Variants in RBFOX1 observed in about 807,000 individuals in gnomAD.
The protein encoded by RBFOX1 is RNA binding fox-1 homolog 1.
Under a neutral mutation model 57.7 loss-of-function variants are expected in RBFOX1, and 8 were observed. The observed-to-expected ratio is 0.14, with a 90% CI of 0.08 to 0.25. The LOEUF is 0.25. RBFOX1 is among the 10% of genes least tolerant of loss of function. RBFOX1 has a pLI of 1.00. For synonymous variants in RBFOX1, 326 were observed against 222.4 expected (o/e 1.47, Z -4.15); for missense variants, 611 against 548.5 (o/e 1.11, Z -1.14).
intron 3 of RBFOX1, among the ~76,000 whole-genome samples, chr16:5,773,478 A>C (rs1057224615): frequency 6.6e-6 from 1 of 152,200 alleles, no homozygotes; most frequent in African/African-American, 2.4e-5. Flanking sequence ...GTCGTAGTTG[A>C]TTCTAACAGT....
chr16:5,784,481 CAG>C (rs2054433018), intron 3 of RBFOX1, among the ~76,000 whole-genome samples: 1 of 152,044 alleles, frequency 6.6e-6, no homozygotes, highest in African/African-American at 2.4e-5. Context: ...GCAGGAGCAG[CAG>C]AGAGACGGGG....
At chr16:5,454,865 T>TC (rs1491157405) in intron 1 of RBFOX1, among the ~76,000 whole-genome samples, 87 of 51,346 alleles carry the variant, frequency 1.7e-3, no homozygotes, top group Non-Finnish European at 2.2e-3. Context: ...TTTCTTTCTT[T>TC]CTTTCTTTCT....
At chr16:6,893,844 C>G (rs963149240) in intron 3 of RBFOX1, among the ~76,000 whole-genome samples, 1 of 152,154 alleles carries the variant, frequency 6.6e-6, no homozygotes, top group African/African-American at 2.4e-5. Context: ...ACTTCAGGGC[C>G]AATGGAATGA....
chr16:6,945,755 G>T (rs894994855), intron 3 of RBFOX1, among the ~76,000 whole-genome samples: 2 of 152,134 alleles, frequency 1.3e-5, no homozygotes, highest in Admixed American at 6.5e-5. Context: ...GCTGAGGGTG[G>T]TGGCAGGCAC....
chr16:7,486,488 G>A (rs187979559), intron 4 of RBFOX1, among the ~76,000 whole-genome samples: 2 of 151,834 alleles, frequency 1.3e-5, no homozygotes, highest in African/African-American at 4.8e-5. Flanking sequence ...TCTTACCTTG[G>A]GCCAGTCACT....
intron 2 of RBFOX1, among the ~76,000 whole-genome samples, chr16:5,507,691 A>C (rs1376281491): frequency 6.6e-6 from 1 of 152,190 alleles, no homozygotes; most frequent in African/African-American, 2.4e-5. Context: ...TAATCCAGTG[A>C]CTGGTGTCCT....
intron 4 of RBFOX1, among the ~76,000 whole-genome samples, chr16:7,320,533 C>T (rs893781027): frequency 6.6e-6 from 1 of 152,126 alleles, no homozygotes; most frequent in Non-Finnish European, 1.5e-5. Context: ...GTGCTGTATG[C>T]ACTAATCTTA....
At chr16:7,470,480 G>C (rs1269064399) in intron 4 of RBFOX1, among the ~76,000 whole-genome samples, 1 of 152,032 alleles carries the variant, frequency 6.6e-6, no homozygotes, top group Non-Finnish European at 1.5e-5. Context: ...TGGATGGATG[G>C]ATAGTTGAAT....
At chr16:6,149,216 T>C (rs1265029575) in intron 1 of RBFOX1, among the ~76,000 whole-genome samples, 3 of 152,222 alleles carry the variant, frequency 2.0e-5, no homozygotes, top group Admixed American at 2.0e-4. Flanking sequence ...TGTATGTGTG[T>C]GTGTGCGCGC....
In RBFOX1 at chr16:6,764,080, G is replaced by A. The variant is rs369678228; in HGVS notation, c.-16+109430G>A. ...GGTGACCTTATTAATCACTCATAAC[G>A]TGATCTTAAAGGTATGTGCATTTTC... On this transcript the variant is annotated intron_variant, in intron 3 of 15. Transcript: ENST00000550418. Among the ~76,000 whole-genome samples, 6 of 152,170 alleles carry A rather than the reference G, an allele frequency of 3.9e-5. No homozygotes were observed. In the South Asian group the frequency reaches 6.2e-4, roughly 16 times the overall value.
At chr16:6,655,608 T>A (rs1364558862) in intron 3 of RBFOX1, among the ~76,000 whole-genome samples, 3 of 152,114 alleles carry the variant, frequency 2.0e-5, no homozygotes, top group Non-Finnish European at 2.9e-5. Context: ...TTTCACAGTC[T>A]CTTTTTATTG....
intron 2 of RBFOX1, among the ~76,000 whole-genome samples, chr16:6,344,848 G>A (rs1567981000): frequency 6.6e-6 from 1 of 151,616 alleles, no homozygotes; most frequent in South Asian, 2.1e-4. Flanking sequence ...GTGCCACCAT[G>A]CTCCACTAAT....
chr16:7,073,593 A>G (rs1374202168), intron 4 of RBFOX1, among the ~76,000 whole-genome samples: 1 of 152,170 alleles, frequency 6.6e-6, no homozygotes, highest in Non-Finnish European at 1.5e-5. Context: ...GTGTAATCCC[A>G]GCCCCTTTGG....
chr16:7,026,423 A>C (rs980299752), intron 3 of RBFOX1, among the ~76,000 whole-genome samples: 1 of 152,202 alleles, frequency 6.6e-6, no homozygotes, highest in East Asian at 1.9e-4. Flanking sequence ...TGAGGGCAGC[A>C]CTTACATTTC....
rs77810519 is a variant in RBFOX1 at position 7,500,328 on chromosome 16, A to C, written c.28-17819A>C. Reference sequence around the variant, plus strand: ...TACTTACAAAGTAGTAGGAACTTCAATACTGTGTGCTTCTGCTTAGTTGGG... The same window carrying C: ...TACTTACAAAGTAGTAGGAACTTCACTACTGTGTGCTTCTGCTTAGTTGGG... On this transcript the variant is annotated intron_variant, in intron 4 of 15. Coordinates refer to ENST00000550418, the MANE Select transcript of RBFOX1 (RefSeq NM_018723.4). 1.0e-3 allele frequency among the ~76,000 whole-genome samples: 155 copies of C among 152,320 alleles called. 3 individuals carry two copies. In the East Asian group the frequency reaches 0.027, roughly 26 times the overall value.
Position 6,647,215 on chromosome 16 carries a change from C to G in RBFOX1, c.-63-7388C>G, listed in dbSNP as rs117078717. Reference sequence around the variant, plus strand: ...AGAAAATGAGTGAGCTCTCTGGTGTCTCTTCTTAAAAGGATACTAATTCTT... The same window carrying G: ...AGAAAATGAGTGAGCTCTCTGGTGTGTCTTCTTAAAAGGATACTAATTCTT... On this transcript the variant is annotated intron_variant, in intron 2 of 15. Coordinates refer to ENST00000550418, the MANE Select transcript of RBFOX1 (RefSeq NM_018723.4). 2.0e-4 allele frequency among the ~76,000 whole-genome samples: 30 copies of G among 152,198 alleles called. No individual in the cohort carries two copies. The East Asian group carries it at 5.2e-3, about 27-fold the overall frequency.
intron 4 of RBFOX1, among the ~76,000 whole-genome samples, chr16:7,120,670 A>T (rs914714041): frequency 6.8e-6 from 1 of 146,810 alleles, no homozygotes; most frequent in East Asian, 2.1e-4. Context: ...TTCATTGGCT[A>T]TTCCACCAAA....
intron 3 of RBFOX1, among the ~76,000 whole-genome samples, chr16:5,680,388 C>T (rs991167784): frequency 4.0e-4 from 61 of 152,268 alleles, no homozygotes; most frequent in African/African-American, 1.3e-3. Context: ...TCTCTTTTCA[C>T]GGATATGGAT....
At chr16:7,424,354 G>T (rs2098584831) in intron 4 of RBFOX1, among the ~76,000 whole-genome samples, 1 of 152,116 alleles carries the variant, frequency 6.6e-6, no homozygotes, top group Admixed American at 6.5e-5. Context: ...CTGCATCCCA[G>T]GTTCAAGCGA....
Sources: allele counts gnomAD v4.1 joint callset (sites outside exome capture counted in the v4.1 genomes callset), GRCh38; gene constraint gnomAD v4.1.1; transcripts MANE v1.5; gene names NCBI Gene and HGNC (gene_info 2026-07-23, HGNC 2026-07-21).